AFF3: variants seen among roughly 807,000 people sequenced by gnomAD.
AFF3 encodes the protein ALF transcription elongation factor 3.
A neutral mutation model predicts 129.7 loss-of-function variants in AFF3; 32 were observed. That is an observed-to-expected ratio of 0.25 (90% CI 0.19 to 0.33). The LOEUF (loss-of-function observed/expected upper bound fraction) is 0.33. AFF3 is among the 10% of genes least tolerant of loss of function. The pLI is 1.00. For missense variants in AFF3, 1,373 were observed against 1,592.0 expected, an observed-to-expected ratio of 0.86 and a Z score of 2.34; for synonymous variants, 644 against 635.4, an observed-to-expected ratio of 1.01 and a Z score of -0.20.
At chr2:99,719,406 T>C (rs904297589) in intron 11 of AFF3, among the ~76,000 whole-genome samples, 2 of 152,188 alleles carry the variant, frequency 1.3e-5, no homozygotes, top group African/African-American at 2.4e-5. Context: ...TGGGATATTG[T>C]ATGATATTTT....
At chr2:99,722,003 T>TCATA (rs1476950186) in intron 11 of AFF3, among the ~76,000 whole-genome samples, 1 of 152,206 alleles carries the variant, frequency 6.6e-6, no homozygotes, top group African/African-American at 2.4e-5. Flanking sequence ...CAATTCTTAC[T>TCATA]GATATGAGTT....
chr2:99,987,996 G>C (rs534852701), intron 7 of AFF3, among the ~76,000 whole-genome samples: 191 of 152,260 alleles, frequency 1.3e-3, no homozygotes, highest in African/African-American at 4.3e-3. Flanking sequence ...AGGATATAAA[G>C]ATGAATAAGA....
chr2:99,752,396 G>T, intron 8 of AFF3, 95 bp from the exon 9 acceptor site: 1 of 932,320 alleles, frequency 1.1e-6, no homozygotes, highest in Non-Finnish European at 1.7e-6. Flanking sequence ...CCTTCATAAG[G>T]CAGGGAAGGG....
chr2:99,920,553 T>C (rs1167787398), intron 7 of AFF3, among the ~76,000 whole-genome samples: 1 of 152,032 alleles, frequency 6.6e-6, no homozygotes, highest in African/African-American at 2.4e-5. Flanking sequence ...AGCATTTTCT[T>C]AGCCTTTAAT....
chr2:100,142,073 G>A (rs2105622871), intron 1 of AFF3, among the ~76,000 whole-genome samples: 1 of 152,146 alleles, frequency 6.6e-6, no homozygotes, highest in Non-Finnish European at 1.5e-5. Flanking sequence ...GCCATGTCAT[G>A]GTTTCTATTT....
At chr2:99,771,218 T>A (rs1490610598) in intron 8 of AFF3, among the ~76,000 whole-genome samples, 1 of 151,960 alleles carries the variant, frequency 6.6e-6, no homozygotes, top group Non-Finnish European at 1.5e-5. Flanking sequence ...TGAGAACACA[T>A]GGACACATGG....
chr2:99,671,324 C>T (rs1182161282), intron 12 of AFF3, among the ~76,000 whole-genome samples: 2 of 152,190 alleles, frequency 1.3e-5, no homozygotes, highest in Non-Finnish European at 2.9e-5. Context: ...AACAAATCAA[C>T]AGATCTGTAA....
At chr2:99,828,329 G>A (rs868453200) in intron 8 of AFF3, among the ~76,000 whole-genome samples, 7 of 152,170 alleles carry the variant, frequency 4.6e-5, no homozygotes, top group Admixed American at 1.3e-4. Context: ...GCATAGTTTG[G>A]TTACTGTGAT....
At chr2:99,591,513 T>C (rs925650602) in intron 15 of AFF3, among the ~76,000 whole-genome samples, 10 of 152,170 alleles carry the variant, frequency 6.6e-5, no homozygotes, top group Non-Finnish European at 4.4e-5. Flanking sequence ...ATTTCTCTGG[T>C]CATAGGTGCC....
chr2:99,722,938 C>T (rs1679032063), intron 11 of AFF3, among the ~76,000 whole-genome samples: 1 of 152,174 alleles, frequency 6.6e-6, no homozygotes, highest in Admixed American at 6.5e-5. Context: ...GCTATATAAA[C>T]ATAGTTCTCA....
Position 99,755,180 on chromosome 2 carries a change from T to C in AFF3, c.922-2879A>G, listed in dbSNP as rs539252459. Reference sequence around the variant, plus strand: ...GGACCCTCACTAAAGATGAGCTGCATCTTTTTCTGTCCACTCCACTCCTTT... The same window carrying C: ...GGACCCTCACTAAAGATGAGCTGCACCTTTTTCTGTCCACTCCACTCCTTT... On this transcript the variant is annotated intron_variant, in intron 8 of 24. Transcript: ENST00000672756. Among the ~76,000 whole-genome samples the C allele has an allele frequency of 3.9e-5, 6 of 152,172 alleles. No homozygotes were observed. The South Asian group carries it at 1.2e-3, about 32-fold the overall frequency.
chr2:99,845,058 A>T (rs1213147230), intron 7 of AFF3, among the ~76,000 whole-genome samples: 2 of 152,228 alleles, frequency 1.3e-5, no homozygotes, highest in Non-Finnish European at 2.9e-5. Flanking sequence ...TTATCCAAAA[A>T]CTACTACAAC....
chr2:99,694,660 TAAAA>T (rs1676015748), intron 11 of AFF3, among the ~76,000 whole-genome samples: 1 of 152,158 alleles, frequency 6.6e-6, no homozygotes, highest in African/African-American at 2.4e-5. Context: ...GGAGCTATGT[TAAAA>T]AAGCCAACAA....
chr2:99,670,554 TG>T (rs1687063627), intron 12 of AFF3, among the ~76,000 whole-genome samples: 1 of 152,148 alleles, frequency 6.6e-6, no homozygotes, highest in African/African-American at 2.4e-5. Flanking sequence ...TGTGTGTGTG[TG>T]TTCGTGCACC....
chr2:99,710,078 A>G (rs952367456), intron 11 of AFF3, among the ~76,000 whole-genome samples: 1 of 152,120 alleles, frequency 6.6e-6, no homozygotes, highest in African/African-American at 2.4e-5. Context: ...TATCTATACA[A>G]TGGGATATTC....
At chr2:99,972,730 A>C (rs1372432649) in intron 7 of AFF3, among the ~76,000 whole-genome samples, 1 of 152,234 alleles carries the variant, frequency 6.6e-6, no homozygotes, top group Non-Finnish European at 1.5e-5. Flanking sequence ...AGAATCTGTA[A>C]GTCTACAAAG....
intron 20 of AFF3, among the ~76,000 whole-genome samples, chr2:99,563,548 C>T (rs146380003): frequency 1.0e-3 from 157 of 151,076 alleles, no homozygotes; most frequent in African/African-American, 3.6e-3. Flanking sequence ...CGGTGGCTCA[C>T]GCTTGTAATC....
chr2:99,922,685 T>A (rs1445627992), intron 7 of AFF3, among the ~76,000 whole-genome samples: 1 of 152,186 alleles, frequency 6.6e-6, no homozygotes, highest in Non-Finnish European at 1.5e-5. Flanking sequence ...ACTGAACACT[T>A]CACTGCATGC....
At chr2:99,604,677 G>A (rs1484303956) in intron 13 of AFF3, among the ~76,000 whole-genome samples, 1 of 152,076 alleles carries the variant, frequency 6.6e-6, no homozygotes, top group African/African-American at 2.4e-5. Context: ...ACACTGGGGG[G>A]AAACACTCAA....
Sources: gnomAD v4.1 joint callset for allele counts (sites outside exome capture counted in the v4.1 genomes callset) on GRCh38, gnomAD v4.1.1 for gene constraint, MANE v1.5 for transcripts, NCBI Gene and HGNC (gene_info 2026-07-23, HGNC 2026-07-21) for gene names.